Variants in PDPR observed in about 807,000 individuals in gnomAD.
PDPR encodes pyruvate dehydrogenase phosphatase regulatory subunit, mitochondrial.
In PDPR, 50 loss-of-function variants were observed where a neutral mutation model predicts 102.2. That is an observed-to-expected ratio of 0.49 (90% CI 0.39 to 0.62). The LOEUF is 0.62. PDPR is among the 20% of genes least tolerant of loss of function. The probability of loss-of-function intolerance (pLI) is 0.00; values close to 1 mark genes in which losing one functional copy is unlikely to be tolerated. For missense variants in PDPR, 625 were observed against 1,098.2 expected (o/e 0.57, Z 6.09); for synonymous variants, 259 against 406.0 (o/e 0.64, Z 4.35).
rs1188685745 is a variant in PDPR at position 70,160,429 on chromosome 16, C to A, written c.*3550C>A. ...GCAGGACAGGCTCCAGCAGAGAGAA[C>A]TGCACAGTGACCACTGTATTTTTCA... On this transcript the variant is annotated 3_prime_UTR_variant, in exon 19 of 19. Transcript: ENST00000288050. 6.5e-6 allele frequency: 1 copy of A among 153,004 alleles called. No individual in the cohort carries two copies. The highest frequency in any genetic ancestry group is 1.5e-5 in the Non-Finnish European group (1 of 68,638). 9.5% of individuals were successfully genotyped at this position (153,004 alleles called of 1,614,324 possible). A position where few individuals can be genotyped will look rare whatever the true frequency, so the allele number is the denominator to read the frequency against.
At chr16:70,153,657 C>T (rs1966856802) in intron 18 of PDPR, 84 bp downstream of exon 18, 2 of 1,376,220 alleles carry the variant, frequency 1.5e-6, no homozygotes, top group Non-Finnish European at 2.0e-6. Flanking sequence ...ACTGATGTGA[C>T]AGGAAAAGGG....
At chr16:70,144,177 C>T (rs1966021393) in intron 14 of PDPR, among the ~76,000 whole-genome samples, 1 of 150,562 alleles carries the variant, frequency 6.6e-6, no homozygotes, top group East Asian at 2.0e-4. Context: ...AGGTGTGAGC[C>T]ACTGTGCCCA....
At chr16:70,131,581 T>C (rs1488914537) in intron 8 of PDPR, 162 bp downstream of exon 8, 1 of 754,996 alleles carries the variant, frequency 1.3e-6, no homozygotes, top group East Asian at 1.4e-4. Flanking sequence ...CTTTATTAAC[T>C]CTTTATGAAA....
chr16:70,123,882 G>A (rs1427633318), intron 3 of PDPR, among the ~76,000 whole-genome samples: 13 of 152,220 alleles, frequency 8.5e-5, no homozygotes, highest in African/African-American at 1.9e-4. Context: ...GTGAAACGCC[G>A]TCTCTACTAA....
In PDPR at chr16:70,161,744, T is replaced by TG. The variant is rs1362109786; in HGVS notation, c.*4866dup. On this transcript the variant is annotated 3_prime_UTR_variant, in exon 19 of 19. Transcript: ENST00000288050. ...TTGCCTTCCCTTTGTCCATGAAACA[T>TG]GAAGAGTTGTTTATGGTTCTTGACT... 1.3e-5 allele frequency: 2 copies of TG among 152,586 alleles called. No individual in the cohort carries two copies. The highest frequency in any genetic ancestry group is 2.9e-5 in the Non-Finnish European group (2 of 68,228). 9.5% of individuals were successfully genotyped at this position (152,586 alleles called of 1,614,324 possible).
At position 70,157,168 on chromosome 16, in the gene PDPR, C is replaced by G; in HGVS notation, c.*289C>G. 1 of 631,400 alleles carries G rather than the reference C, an allele frequency of 1.6e-6. No individual in the cohort carries two copies. Among genetic ancestry groups the G allele is most frequent in the Non-Finnish European group, 2.9e-6 (1 of 342,832 alleles). 39.1% of individuals were successfully genotyped at this position (631,400 alleles called of 1,614,324 possible). ...GTATGTCTGACAGGACAGAAGCAAG[C>G]TCCACTGTGGACATGAGTGATGGTG... On this transcript the variant is annotated 3_prime_UTR_variant, in exon 19 of 19. Coordinates refer to ENST00000288050, the MANE Select transcript of PDPR (RefSeq NM_017990.5).
intron 3 of PDPR, among the ~76,000 whole-genome samples, chr16:70,125,595 A>G (rs1963880528): frequency 6.6e-6 from 1 of 151,008 alleles, no homozygotes; most frequent in South Asian, 2.1e-4. Flanking sequence ...ATATATGTAA[A>G]AGAGTATACA....
At chr16:70,131,730 T>G (rs1442941772) in intron 8 of PDPR, 1 of 985,284 alleles carries the variant, frequency 1.0e-6, no homozygotes, top group Non-Finnish European at 1.2e-6. Context: ...ATAGTAGAAA[T>G]GTCATAGGTA....
intron 5 of PDPR, 46 bp from the exon 6 acceptor site, chr16:70,128,913 T>C (rs1161817770): frequency 6.2e-7 from 1 of 1,612,776 alleles, no homozygotes; most frequent in Admixed American, 1.7e-5. Context: ...CACTGGCCTC[T>C]GCCAAAGAGC....
intron 13 of PDPR, among the ~76,000 whole-genome samples, chr16:70,143,136 C>G (rs1965898970): frequency 1.3e-5 from 2 of 152,192 alleles, no homozygotes. Flanking sequence ...TTGCAGTGAG[C>G]TGAGATTGCG....
rs766890070 is a variant in PDPR at position 70,120,579 on chromosome 16, G to T, written c.87G>T (p.Thr29=). Residue 29 remains threonine, a synonymous_variant, in exon 3 of 19, where the codon ACG becomes ACT. Transcript: ENST00000288050. ...ACTGGTCCTCTGCAAGAAACAGCAC[G>T]TCAGCTGCCGAGGCGCGTTCCATGG... ...WQNWSSARNS[T]SAAEARSMAL... 3.7e-6 allele frequency: 6 copies of T among 1,613,668 alleles called. No homozygotes were observed. The South Asian group carries it at 5.5e-5, about 15-fold the overall frequency.
intron 2 of PDPR, among the ~76,000 whole-genome samples, chr16:70,118,732 T>C (rs1165076635): frequency 1.3e-5 from 2 of 152,140 alleles, no homozygotes; most frequent in Non-Finnish European, 1.5e-5. Context: ...GATGAGATTA[T>C]GGAAAGACTA....
intron 3 of PDPR, among the ~76,000 whole-genome samples, chr16:70,124,633 C>T (rs1163168530): frequency 6.6e-6 from 1 of 152,262 alleles, no homozygotes; most frequent in Non-Finnish European, 1.5e-5. Context: ...CCTCCAAGGG[C>T]GAGAGCCACT....
chr16:70,116,701 C>A (rs1055673915), intron 2 of PDPR, among the ~76,000 whole-genome samples: 9 of 151,822 alleles, frequency 5.9e-5, no homozygotes, highest in Admixed American at 5.9e-4. Context: ...CCACCACACC[C>A]AGCTAATTTT....
intron 4 of PDPR, 71 bp downstream of exon 4, chr16:70,127,464 C>T: frequency 3.2e-6 from 5 of 1,571,008 alleles, no homozygotes; most frequent in Non-Finnish European, 4.3e-6. Flanking sequence ...GTATTTGGTC[C>T]TCTGCCAGGT....
chr16:70,148,040 A>G (rs1197660678), intron 16 of PDPR, among the ~76,000 whole-genome samples: 5 of 152,218 alleles, frequency 3.3e-5, no homozygotes, highest in Non-Finnish European at 7.3e-5. Context: ...TAGCAGATTA[A>G]TTATGTCTGT....
intron 17 of PDPR, among the ~76,000 whole-genome samples, chr16:70,151,353 G>C (rs893859297): frequency 1.3e-5 from 2 of 152,282 alleles, no homozygotes; most frequent in Non-Finnish European, 2.9e-5. Flanking sequence ...ACCGGCGTGA[G>C]CCACTGTGTC....
At chr16:70,131,816 G>A (rs207476141) in intron 8 of PDPR, 2 of 1,385,822 alleles carry the variant, frequency 1.4e-6, no homozygotes, top group Non-Finnish European at 9.4e-7. Flanking sequence ...CGGTCTTCAT[G>A]CCTAGAATGG....
At chr16:70,115,084 G>GCTTTTC (rs1962504083) in intron 2 of PDPR, among the ~76,000 whole-genome samples, 154 bp downstream of exon 2, 1 of 152,162 alleles carries the variant, frequency 6.6e-6, no homozygotes, top group Non-Finnish European at 1.5e-5. Flanking sequence ...TGACGGATAA[G>GCTTTTC]CTTTTCCAGT....
Sources: allele counts gnomAD v4.1 joint callset (sites outside exome capture counted in the v4.1 genomes callset), GRCh38; gene constraint gnomAD v4.1.1; transcripts MANE v1.5; gene names NCBI Gene and HGNC (gene_info 2026-07-23, HGNC 2026-07-21).